The following PACRG variants were observed in gnomAD, a reference collection of about 807,000 sequenced individuals.
PACRG encodes the protein parkin coregulated.
In PACRG, 29 loss-of-function variants were observed where a neutral mutation model predicts 29.7. That is an observed-to-expected ratio of 0.98 (90% CI 0.73 to 1.33). The LOEUF is 1.33. PACRG is among the 40% of genes most tolerant of loss of function. The pLI is 0.00. For synonymous variants in PACRG, 116 were observed against 118.7 expected (o/e 0.98, Z 0.15); for missense variants, 279 against 316.2 (o/e 0.88, Z 0.89).
intron 4 of PACRG, chr6:163,190,902 A>C (rs573064892): frequency 9.0e-5 from 41 of 455,472 alleles, no homozygotes; most frequent in African/African-American, 7.4e-4. Flanking sequence ...CTCCAAGCAC[A>C]CTCACCCAGT....
intron 4 of PACRG, among the ~76,000 whole-genome samples, chr6:163,148,917 G>A (rs1277607847): frequency 7.3e-6 from 1 of 136,862 alleles, no homozygotes; most frequent in Admixed American, 8.2e-5. Context: ...TCCATGCACA[G>A]TATTCTCGTG....
chr6:162,727,399 C>T (rs1779309885), upstream of PACRG: 1 of 468,518 alleles, frequency 2.1e-6, no homozygotes, highest in Admixed American at 4.3e-5. Flanking sequence ...TGCGGGGCCG[C>T]CTGGCGTCCC....
At chr6:162,793,131 C>A (rs1785094407) in intron 1 of PACRG, among the ~76,000 whole-genome samples, 1 of 152,200 alleles carries the variant, frequency 6.6e-6, no homozygotes, top group Admixed American at 6.5e-5. Context: ...ATTTCACCAC[C>A]ATTTTACAGT....
chr6:162,844,968 A>G (rs1246191778), intron 2 of PACRG, among the ~76,000 whole-genome samples: 3 of 152,074 alleles, frequency 2.0e-5, no homozygotes, highest in South Asian at 2.1e-4. Context: ...TATTAATCCA[A>G]TGTGAGTCTG....
At chr6:163,169,575 G>A (rs986596387) in intron 4 of PACRG, among the ~76,000 whole-genome samples, 2 of 152,226 alleles carry the variant, frequency 1.3e-5, no homozygotes, top group Non-Finnish European at 1.5e-5. Context: ...ACACGGCTGC[G>A]TGCTGTGCTC....
rs181146386 is a variant in PACRG at position 163,083,124 on chromosome 6, A to G, written c.464-6135A>G. On this transcript the variant is annotated intron_variant, in intron 3 of 4. Coordinates refer to ENST00000366888, the MANE Select transcript of PACRG (RefSeq NM_001080379.2). ...GTCAACAACTTTGTGTTAACATGAT[A>G]TTAAAAATTACCAATGAAGTTTGTG... Among the ~76,000 whole-genome samples, 4 of 152,338 alleles carry G rather than the reference A, an allele frequency of 2.6e-5. No individual in the cohort carries two copies. In the East Asian group the frequency reaches 7.7e-4, roughly 29 times the overall value.
intron 1 of PACRG, among the ~76,000 whole-genome samples, chr6:162,774,346 T>A (rs1195534241): frequency 2.6e-5 from 4 of 152,196 alleles, no homozygotes; most frequent in Non-Finnish European, 5.9e-5. Flanking sequence ...AATCAAAATG[T>A]TTAGCCAAAA....
At chr6:163,056,010 G>A (rs1810557383) in intron 2 of PACRG, among the ~76,000 whole-genome samples, 1 of 152,210 alleles carries the variant, frequency 6.6e-6, no homozygotes, top group Non-Finnish European at 1.5e-5. Context: ...TCATGTATCA[G>A]ATGCTCCACA....
intron 2 of PACRG, among the ~76,000 whole-genome samples, chr6:162,817,500 G>T (rs1009748828): frequency 6.6e-6 from 1 of 152,088 alleles, no homozygotes; most frequent in Admixed American, 6.5e-5. Flanking sequence ...TCTCTTTCTT[G>T]TGGCATCTCT....
At chr6:162,750,945 G>A (rs536487547) in intron 1 of PACRG, among the ~76,000 whole-genome samples, 2 of 152,246 alleles carry the variant, frequency 1.3e-5, no homozygotes, top group Admixed American at 1.3e-4. Flanking sequence ...ACGTGCTCAG[G>A]AAGGCATGTG....
intron 4 of PACRG, among the ~76,000 whole-genome samples, chr6:163,246,481 G>T (rs1782702232): frequency 6.6e-6 from 1 of 152,068 alleles, no homozygotes; most frequent in South Asian, 2.1e-4. Flanking sequence ...CCCTCACTCT[G>T]TTTTCTTCTT....
At chr6:162,842,070 C>G (rs1359277541) in intron 2 of PACRG, among the ~76,000 whole-genome samples, 3 of 149,798 alleles carry the variant, frequency 2.0e-5, no homozygotes, top group Non-Finnish European at 3.0e-5. Context: ...AATGTATATT[C>G]TGTTGATTTG....
chr6:162,955,886 G>A (rs915248120), intron 2 of PACRG, among the ~76,000 whole-genome samples: 4 of 152,116 alleles, frequency 2.6e-5, no homozygotes, highest in East Asian at 1.9e-4. Context: ...TTTCTCCGGG[G>A]CTGGCAACAG....
chr6:163,053,956 G>C (rs1810292455), intron 2 of PACRG: 1 of 152,080 alleles, frequency 6.6e-6, no homozygotes, highest in Non-Finnish European at 1.5e-5. Context: ...TCTAGGCAAT[G>C]ACAAGCTCCC....
intron 4 of PACRG, among the ~76,000 whole-genome samples, chr6:163,202,213 G>A (rs1480945482): frequency 3.3e-5 from 5 of 152,134 alleles, no homozygotes; most frequent in Non-Finnish European, 7.4e-5. Flanking sequence ...CTGGTCAGGG[G>A]TGGGAGTTGA....
At position 162,836,818 on chromosome 6, in the gene PACRG, A is replaced by T. The variant is rs549975908; in HGVS notation, c.291+22537A>T. ...TTAGGAAGAAAACCAGATAAATTCT[A>T]AACCATTTTTCTGTCTTCAAGTATA... On this transcript the variant is annotated intron_variant, in intron 2 of 4. Coordinates refer to ENST00000366888, the MANE Select transcript of PACRG (RefSeq NM_001080379.2). Among the ~76,000 whole-genome samples the T allele has an allele frequency of 1.1e-4, 17 of 152,270 alleles. No individual in the cohort carries two copies. The South Asian group carries it at 3.5e-3, about 32-fold the overall frequency.
intron 2 of PACRG, among the ~76,000 whole-genome samples, chr6:162,992,429 G>T (rs1265506071): frequency 6.7e-6 from 1 of 148,282 alleles, no homozygotes; most frequent in African/African-American, 2.5e-5. Flanking sequence ...CCTGTTATTG[G>T]TCTATTCAGA....
chr6:163,070,647 A>G (rs989168252), intron 3 of PACRG, among the ~76,000 whole-genome samples: 2 of 152,024 alleles, frequency 1.3e-5, no homozygotes, highest in South Asian at 4.1e-4. Flanking sequence ...AAGGAATAGA[A>G]GATCACAAAA....
chr6:163,239,524 A>G (rs1435591031), intron 4 of PACRG, among the ~76,000 whole-genome samples: 1 of 151,974 alleles, frequency 6.6e-6, no homozygotes, highest in Non-Finnish European at 1.5e-5. Context: ...CTAGGTGGAC[A>G]CCTTGCTGCT....
Sources: gnomAD v4.1 joint callset for allele counts (sites outside exome capture counted in the v4.1 genomes callset) on GRCh38, gnomAD v4.1.1 for gene constraint, MANE v1.5 for transcripts, NCBI Gene and HGNC (gene_info 2026-07-23, HGNC 2026-07-21) for gene names.